Variants in RAB27A observed in about 807,000 individuals in gnomAD.
RAB27A encodes the protein RAB27A, member RAS oncogene family, also known as ras-related protein Rab-27A.
In RAB27A, 17 loss-of-function variants were observed where a neutral mutation model predicts 20.8. That is an observed-to-expected ratio of 0.82 (90% CI 0.56 to 1.23). RAB27A has a LOEUF of 1.23. Among genes scored for constraint, RAB27A ranks in the 50% most tolerant of loss-of-function variants. The pLI is 0.00. For missense variants in RAB27A, 277 were observed against 266.7 expected (o/e 1.04, Z -0.27); for synonymous variants, 85 against 92.8 (o/e 0.92, Z 0.48).
intron 2 of RAB27A, among the ~76,000 whole-genome samples, chr15:55,300,146 G>C (rs1398683003): frequency 6.6e-6 from 1 of 152,032 alleles, no homozygotes; most frequent in East Asian, 1.9e-4. Flanking sequence ...TCATTATATT[G>C]TGATTATGAA....
intron 2 of RAB27A, among the ~76,000 whole-genome samples, chr15:55,309,038 G>C (rs192907433): frequency 1.3e-5 from 2 of 152,110 alleles, no homozygotes; most frequent in African/African-American, 4.8e-5. Context: ...TTGCCCCATC[G>C]GCAAGCTTAA....
chr15:55,301,092 A>C (rs541977272), intron 2 of RAB27A, among the ~76,000 whole-genome samples: 3 of 152,054 alleles, frequency 2.0e-5, no homozygotes, highest in Admixed American at 2.0e-4. Context: ...GTGACCTTTC[A>C]GTTAAGAGTG....
At chr15:55,298,230 T>C (rs1237048164) in intron 2 of RAB27A, among the ~76,000 whole-genome samples, 1 of 149,846 alleles carries the variant, frequency 6.7e-6, no homozygotes, top group East Asian at 1.9e-4. Context: ...AAAAGTCAGT[T>C]GTGGGCCGTA....
chr15:55,273,423 A>T (rs1337807166), intron 1 of RAB27A, among the ~76,000 whole-genome samples: 1 of 151,178 alleles, frequency 6.6e-6, no homozygotes, highest in East Asian at 1.9e-4. Flanking sequence ...AAAAAAAAAT[A>T]AAAATAAAAA....
chr15:55,227,658 G>C (rs1048403914), intron 5 of RAB27A, among the ~76,000 whole-genome samples: 2 of 152,106 alleles, frequency 1.3e-5, no homozygotes, highest in Non-Finnish European at 2.9e-5. Context: ...CCTGAAATAA[G>C]GACACAACAC....
chr15:55,312,251 G>T (rs1053309092), intron 2 of RAB27A, among the ~76,000 whole-genome samples: 1 of 152,192 alleles, frequency 6.6e-6, no homozygotes, highest in African/African-American at 2.4e-5. Context: ...AAACAACAGG[G>T]GTGGACGGCG....
At chr15:55,310,995 A>T (rs1039527847) in intron 2 of RAB27A, among the ~76,000 whole-genome samples, 3 of 152,164 alleles carry the variant, frequency 2.0e-5, no homozygotes, top group African/African-American at 7.2e-5. Flanking sequence ...TCTAATACGC[A>T]GGTTAGCAAA....
rs1315753768 is a variant in RAB27A at position 55,303,260 on chromosome 15, G to A, written c.-112+10779C>T. On this transcript the variant is annotated intron_variant, in intron 2 of 5. Coordinates refer to the RAB27A transcript ENST00000563262. ...AGCCGCCCTGTCCGGGAGGGAGGTGGGGGGGTCAGCCCCCCGCCTGGCCAG... is the reference window on the plus strand; with the variant it reads ...AGCCGCCCTGTCCGGGAGGGAGGTGAGGGGGTCAGCCCCCCGCCTGGCCAG... Among the ~76,000 whole-genome samples, 10 of 98,070 alleles carry A rather than the reference G, an allele frequency of 1.0e-4. No homozygotes were observed. The East Asian group carries it at 4.5e-3, about 44-fold the overall frequency. 64.3% of individuals were successfully genotyped at this position (98,070 alleles called of 152,430 possible). A position where few individuals can be genotyped will look rare whatever the true frequency, so the allele number is the denominator to read the frequency against.
At chr15:55,222,099 G>C (rs1895598179) in intron 6 of RAB27A, among the ~76,000 whole-genome samples, 1 of 152,154 alleles carries the variant, frequency 6.6e-6, no homozygotes, top group Admixed American at 6.5e-5. Flanking sequence ...TTCATGTATA[G>C]GTATGCTTCT....
chr15:55,237,907 CACTT>C (rs1041561364), intron 2 of RAB27A, among the ~76,000 whole-genome samples: 2 of 152,144 alleles, frequency 1.3e-5, no homozygotes, highest in African/African-American at 4.8e-5. Flanking sequence ...TCTCTAAACT[CACTT>C]AAGTGGAATT....
intron 6 of RAB27A, among the ~76,000 whole-genome samples, chr15:55,210,022 GCA>G (rs1491416276): frequency 2.3e-5 from 3 of 132,890 alleles, no homozygotes; most frequent in Admixed American, 7.6e-5. Context: ...ACATATATAC[GCA>G]TATATATGTG....
intron 3 of RAB27A, among the ~76,000 whole-genome samples, chr15:55,233,066 G>A (rs551295249): frequency 1.1e-4 from 16 of 152,088 alleles, no homozygotes; most frequent in South Asian, 4.2e-4. Context: ...CAGAGGTTGC[G>A]GTGAGCTGAG....
At chr15:55,281,579 A>G (rs1251833767) in intron 1 of RAB27A, among the ~76,000 whole-genome samples, 1 of 152,024 alleles carries the variant, frequency 6.6e-6, no homozygotes, top group East Asian at 1.9e-4. Context: ...CAGCATGGTG[A>G]CATGCTCCTG....
intron 2 of RAB27A, among the ~76,000 whole-genome samples, chr15:55,242,136 C>G (rs934063751): frequency 1.3e-5 from 2 of 152,038 alleles, no homozygotes; most frequent in Admixed American, 1.3e-4. Flanking sequence ...GATAGGTCAG[C>G]CATTTTCCGA....
At chr15:55,297,046 A>G (rs1001666649) in intron 2 of RAB27A, among the ~76,000 whole-genome samples, 4 of 152,260 alleles carry the variant, frequency 2.6e-5, no homozygotes, top group Non-Finnish European at 4.4e-5. Flanking sequence ...ATAGCAAGCC[A>G]CAAATGCATC....
chr15:55,297,128 T>C (rs1468020727), intron 2 of RAB27A, among the ~76,000 whole-genome samples: 1 of 152,008 alleles, frequency 6.6e-6, no homozygotes, highest in African/African-American at 2.4e-5. Context: ...TTAGAAACAG[T>C]TTATTGGTAC....
chr15:55,299,543 A>T (rs1223987794), intron 2 of RAB27A, among the ~76,000 whole-genome samples: 2 of 151,488 alleles, frequency 1.3e-5, no homozygotes, highest in Non-Finnish European at 2.9e-5. Flanking sequence ...CAGTGAGCCA[A>T]GATCACACCA....
intron 2 of RAB27A, among the ~76,000 whole-genome samples, chr15:55,245,912 C>G (rs1037596609): frequency 6.6e-6 from 1 of 152,050 alleles, no homozygotes; most frequent in African/African-American, 2.4e-5. Flanking sequence ...GAGTTCAAAA[C>G]CAACATGGCA....
rs151235764 is a variant in RAB27A at position 55,310,081 on chromosome 15, T to G, written c.-112+3958A>C. ...CTATGTTCAGGTGTATAATGGCCCC[T>G]GTTTTTGCTAGAATGTCTCTCCCTA... is the stretch of plus-strand genomic sequence containing the variant. On this transcript the variant is annotated intron_variant, in intron 2 of 5. Transcript: ENST00000563262. Among the ~76,000 whole-genome samples the G allele has an allele frequency of 2.0e-5, 3 of 151,766 alleles. No homozygotes were observed. In the South Asian group the frequency reaches 6.2e-4, roughly 31 times the overall value.
Sources: allele counts gnomAD v4.1 joint callset (sites outside exome capture counted in the v4.1 genomes callset), GRCh38; gene constraint gnomAD v4.1.1; transcripts MANE v1.5; gene names NCBI Gene and HGNC (gene_info 2026-07-23, HGNC 2026-07-21).